HIVEP3: variants seen among roughly 807,000 people sequenced by gnomAD.
The protein encoded by HIVEP3 is transcription factor HIVEP3.
HIVEP3 carries 49 observed loss-of-function variants against 152.8 expected under a neutral mutation model. The ratio of observed to expected loss-of-function variants is 0.32; its 90% CI spans 0.26 to 0.41. The LOEUF (loss-of-function observed/expected upper bound fraction) is 0.41, where lower values mean the gene tolerates loss of function less well. HIVEP3 is among the 10% of genes least tolerant of loss of function. The pLI, the probability that HIVEP3 is intolerant of heterozygous loss-of-function variation, is 1.00. For synonymous variants in HIVEP3, 1,269 were observed against 1,289.0 expected (o/e 0.98, Z 0.33); for missense variants, 2,790 against 3,103.3 (o/e 0.90, Z 2.40).
chr1:41,704,225 C>T (rs1646402631), intron 1 of HIVEP3, among the ~76,000 whole-genome samples: 1 of 152,240 alleles, frequency 6.6e-6, no homozygotes, highest in South Asian at 2.1e-4. Context: ...CTAAGCATCG[C>T]TTCCACCGCT....
chr1:41,528,980 A>C, intron 5 of HIVEP3, among the ~76,000 whole-genome samples: 1 of 86,248 alleles, frequency 1.2e-5, no homozygotes, highest in Admixed American at 1.4e-4. Flanking sequence ...CCTCACACTC[A>C]CCTTCACACT....
At chr1:41,540,904 T>G (rs1310108986) in intron 5 of HIVEP3, among the ~76,000 whole-genome samples, 2 of 143,266 alleles carry the variant, frequency 1.4e-5, no homozygotes, top group Non-Finnish European at 3.2e-5. Context: ...TGGGCTGGAC[T>G]CCAGGTCCAG....
rs1276077773 is a variant in HIVEP3, at chr1:41,518,421, C to T, written c.5451G>A (p.Glu1817=). The change falls in exon 7 of 9, where the codon GAG becomes GAA. Residue 1817 remains glutamate, a synonymous_variant. Transcript: ENST00000372583. ...TGTTACCTTCTTCGGCTTCCAGCTC[C>T]TCCAGCACCCCTGTCTCTTGGCACT... is the stretch of plus-strand genomic sequence containing the variant. ...SKKCQETGVL[E]ELEAEEGTSD... is the part of the protein sequence containing the mutation. 1.2e-6 allele frequency: 2 copies of T among 1,614,156 alleles called. No homozygotes were observed.
chr1:41,800,107 G>A (rs145007174), intron 1 of HIVEP3, among the ~76,000 whole-genome samples: 15 of 152,312 alleles, frequency 9.8e-5, no homozygotes, highest in African/African-American at 3.4e-4. Flanking sequence ...GCCATTTCAC[G>A]AAGGTTTCCA....
intron 5 of HIVEP3, among the ~76,000 whole-genome samples, chr1:41,569,540 C>A (rs1433837488): frequency 6.6e-6 from 1 of 152,172 alleles, no homozygotes; most frequent in Non-Finnish European, 1.5e-5. Context: ...GAGTTCACAG[C>A]AAAATGGGAC....
intron 3 of HIVEP3, among the ~76,000 whole-genome samples, chr1:41,606,991 A>C (rs890975523): frequency 8.8e-5 from 13 of 148,184 alleles, no homozygotes; most frequent in African/African-American, 3.2e-4. Flanking sequence ...TTTTTTTTTT[A>C]TTTTTATTTT....
chr1:41,581,504 G>A lies in HIVEP3; in HGVS notation c.3294C>T (p.Pro1098=), dbSNP rs537713789. 5.9e-5 allele frequency: 93 copies of A among 1,578,794 alleles called. No individual in the cohort carries two copies. Among genetic ancestry groups the A allele is most frequent in the Non-Finnish European group, 7.7e-5 (90 of 1,163,158 alleles). ...CCTGCCCTGGGCCCTTGCCTCCCGG[G>A]GGTCCACCATGTGAGGTGGCCGCAG... ...ISSAATSHGG[P]PGGKGPGQDR... Residue 1098 remains proline (P), a synonymous_variant, in exon 4 of 9, where the codon CCC becomes CCT. Coordinates refer to ENST00000372583, the MANE Select transcript of HIVEP3 (RefSeq NM_024503.5). The surrounding 1 kb of genome is among the most constrained non-coding windows in gnomAD (Gnocchi z 4.5).
chr1:41,892,434 C>T (rs1345423951), intron 1 of HIVEP3, among the ~76,000 whole-genome samples: 1 of 152,138 alleles, frequency 6.6e-6, no homozygotes, highest in African/African-American at 2.4e-5. Flanking sequence ...TCACATATGC[C>T]CAGACGCTCT....
chr1:41,595,355 G>A (rs905629433), intron 3 of HIVEP3, among the ~76,000 whole-genome samples: 1 of 152,162 alleles, frequency 6.6e-6, no homozygotes, highest in Admixed American at 6.5e-5. Context: ...TGGCGTTTCA[G>A]TCCTGTCAAA....
chr1:41,867,231 G>A lies in HIVEP3; in HGVS notation c.-801+51182C>T, dbSNP rs572473798. On this transcript the variant is annotated intron_variant, in intron 1 of 8. Coordinates refer to ENST00000372583, the MANE Select transcript of HIVEP3 (RefSeq NM_024503.5). Reference sequence around the variant, plus strand: ...CTCCAGGAGTGGCATGAAATGAGGTGGATGGGGCTTCCTTGTCCTGGCCAT... The same window carrying A: ...CTCCAGGAGTGGCATGAAATGAGGTAGATGGGGCTTCCTTGTCCTGGCCAT... Among the ~76,000 whole-genome samples, 5 of 152,260 alleles carry A rather than the reference G, an allele frequency of 3.3e-5. No homozygotes were observed. The South Asian group carries it at 1.0e-3, about 32-fold the overall frequency.
intron 1 of HIVEP3, among the ~76,000 whole-genome samples, chr1:41,887,531 A>G (rs1557486808): frequency 1.3e-5 from 2 of 152,200 alleles, no homozygotes; most frequent in African/African-American, 4.8e-5. Context: ...CCTGAACTTC[A>G]CACATTTGTG....
At chr1:42,021,736 CAA>C (rs1236116907) in intron 1 of HIVEP3, among the ~76,000 whole-genome samples, 1 of 152,140 alleles carries the variant, frequency 6.6e-6, no homozygotes, top group East Asian at 1.9e-4. Context: ...AGATTCAGAG[CAA>C]AGACTGAGGA....
chr1:41,989,174 G>T (rs897350079), intron 1 of HIVEP3, among the ~76,000 whole-genome samples: 4 of 152,118 alleles, frequency 2.6e-5, no homozygotes, highest in African/African-American at 9.7e-5. Flanking sequence ...TAATAACAAC[G>T]TATTATACAC....
At chr1:41,728,722 C>CTTTTGTCTGCAGTT (rs762513855) in intron 1 of HIVEP3, among the ~76,000 whole-genome samples, 10 of 152,172 alleles carry the variant, frequency 6.6e-5, no homozygotes, top group Non-Finnish European at 8.8e-5. Flanking sequence ...CCAGACTTGC[C>CTTTTGTCTGCAGTT]TAGGCTGCAG....
intron 5 of HIVEP3, among the ~76,000 whole-genome samples, chr1:41,529,683 T>C (rs144495419): frequency 0.023 from 2,823 of 123,092 alleles, 58 homozygotes; most frequent in Non-Finnish European, 0.03. Context: ...CAACCACACT[T>C]GCATCTCCAC....
chr1:41,797,560 T>C (rs1052937326), intron 1 of HIVEP3, among the ~76,000 whole-genome samples: 1 of 152,216 alleles, frequency 6.6e-6, no homozygotes, highest in African/African-American at 2.4e-5. Context: ...TATTTTGTAC[T>C]TCTAGAACCA....
chr1:41,883,466 C>G (rs1471848590), intron 1 of HIVEP3, among the ~76,000 whole-genome samples: 1 of 152,136 alleles, frequency 6.6e-6, no homozygotes, highest in Non-Finnish European at 1.5e-5. Flanking sequence ...TGCTATGGAC[C>G]ACAGGCACTC....
At chr1:41,555,749 C>T (rs1643956539) in intron 5 of HIVEP3, among the ~76,000 whole-genome samples, 1 of 152,210 alleles carries the variant, frequency 6.6e-6, no homozygotes, top group Admixed American at 6.5e-5. Flanking sequence ...TTTCCATTTT[C>T]CAAACGGAAA....
At chr1:41,907,287 G>A (rs998815654) in intron 1 of HIVEP3, among the ~76,000 whole-genome samples, 29 of 152,182 alleles carry the variant, frequency 1.9e-4, no homozygotes, top group Non-Finnish European at 3.4e-4. Flanking sequence ...ACAGGGGTAG[G>A]GGAGAGGGGC....
Sources: gnomAD v4.1 joint callset for allele counts (sites outside exome capture counted in the v4.1 genomes callset) on GRCh38, gnomAD v4.1.1 for gene constraint, Gnocchi (gnomAD v3.1) non-coding constraint, MANE v1.5 for transcripts, NCBI Gene and HGNC (gene_info 2026-07-23, HGNC 2026-07-21) for gene names.